The following VAV2 variants were observed in gnomAD, a reference collection of about 807,000 sequenced individuals.
VAV2 encodes the protein vav guanine nucleotide exchange factor 2, also known as guanine nucleotide exchange factor VAV2.
A neutral mutation model predicts 132.5 loss-of-function variants in VAV2; 67 were observed. That is an observed-to-expected ratio of 0.51 (90% CI 0.42 to 0.62). VAV2 has a LOEUF of 0.62. Ranked by LOEUF, VAV2 falls within the 20% of genes least tolerant of loss-of-function variation. The pLI, the probability that VAV2 is intolerant of heterozygous loss-of-function variation, is 0.00. For synonymous variants in VAV2, 492 were observed against 443.5 expected, an observed-to-expected ratio of 1.11 and a Z score of -1.37; for missense variants, 938 against 1,153.6, an observed-to-expected ratio of 0.81 and a Z score of 2.71.
intron 17 of VAV2, 88 bp downstream of exon 17, chr9:133,785,688 G>C: frequency 7.5e-7 from 1 of 1,327,484 alleles, no homozygotes; most frequent in Non-Finnish European, 1.1e-6. Context: ...CCTGGTCTGA[G>C]AGGAACCACA....
chr9:133,940,666 CACGTGCGT>C (rs781715896), intron 1 of VAV2, among the ~76,000 whole-genome samples: 1 of 82,764 alleles, frequency 1.2e-5, no homozygotes, highest in East Asian at 4.1e-4. Context: ...CCTCTCTGTC[CACGTGCGT>C]GTGTGTGTGT....
chr9:133,801,154 G>A (rs879819622), intron 9 of VAV2, among the ~76,000 whole-genome samples: 1 of 152,224 alleles, frequency 6.6e-6, no homozygotes, highest in Non-Finnish European at 1.5e-5. Context: ...CTGGACACAG[G>A]TCCTTCTATC....
chr9:133,916,806 G>C (rs887221824), intron 2 of VAV2, among the ~76,000 whole-genome samples: 1 of 28,538 alleles, frequency 3.5e-5, no homozygotes, highest in African/African-American at 4.0e-5. Context: ...TGTTGGGACT[G>C]TTTAGGTCAA....
chr9:133,767,561 G>A (rs955542766), intron 29 of VAV2, among the ~76,000 whole-genome samples: 1 of 152,192 alleles, frequency 6.6e-6, no homozygotes, highest in Non-Finnish European at 1.5e-5. Context: ...GAGAACCAGT[G>A]GTCCCAGCCC....
At chr9:133,830,418 C>T (rs1836218798) in intron 4 of VAV2, among the ~76,000 whole-genome samples, 1 of 152,148 alleles carries the variant, frequency 6.6e-6, no homozygotes, top group Non-Finnish European at 1.5e-5. Flanking sequence ...GAGGCGGTGA[C>T]CCTCGTATCG....
intron 9 of VAV2, 119 bp from the exon 10 acceptor site, chr9:133,797,928 T>C: frequency 1.2e-6 from 1 of 805,306 alleles, no homozygotes; most frequent in South Asian, 1.8e-5. Context: ...GCCCCTCCCC[T>C]GACAGCTCCC....
At chr9:133,848,677 T>C (rs560712587) in intron 3 of VAV2, among the ~76,000 whole-genome samples, 8 of 152,082 alleles carry the variant, frequency 5.3e-5, no homozygotes, top group East Asian at 1.9e-4. Context: ...CCTGGGAACA[T>C]GCCTCACGTG....
chr9:133,953,833 AAAG>A (rs1483949602), intron 1 of VAV2, among the ~76,000 whole-genome samples: 3 of 152,174 alleles, frequency 2.0e-5, no homozygotes, highest in African/African-American at 7.2e-5. Context: ...CCCTGTCTCC[AAAG>A]AAGGCACCTG....
chr9:133,967,888 A>C (rs1488365975), intron 1 of VAV2, among the ~76,000 whole-genome samples: 5 of 141,560 alleles, frequency 3.5e-5, no homozygotes, highest in Non-Finnish European at 7.5e-5. Context: ...AGCCAAGATC[A>C]CACCACTGCA....
At position 133,777,447 on chromosome 9, in the gene VAV2, G is replaced by A. The variant is rs1833856340; in HGVS notation, c.1907C>T (p.Thr636Ile). 1 of 1,613,696 alleles carries A rather than the reference G, an allele frequency of 6.2e-7. No homozygotes were observed. ...SPWWEGRLVQ[T>I]RKSGYFPSSS... ...GCTGGGGAAATACCCTGACTTCCTG[G>A]TTTGTACCAGACGACCCTGGCAGAG... The change falls in exon 23 of 30, where the codon ACC becomes ATC. Residue 636 changes from threonine to isoleucine, a missense_variant. Transcript: ENST00000371850.
intron 1 of VAV2, among the ~76,000 whole-genome samples, chr9:133,963,655 T>C (rs1286514497): frequency 6.6e-6 from 1 of 152,092 alleles, no homozygotes; most frequent in African/African-American, 2.4e-5. Context: ...AACAAGAATA[T>C]AAAACGCCAC....
chr9:133,992,226 G>T lies in VAV2; in HGVS notation c.53C>A (p.Pro18Gln). The T allele has an allele frequency of 1.9e-6, 3 of 1,590,944 alleles. No homozygotes were observed. The highest frequency in any genetic ancestry group is 1.4e-5 in the African/African-American group (1 of 73,358). The stretch of plus-strand genomic sequence containing the variant: ...GGGCCACACCACCCGGTGGTTGGGC[G>T]GCAGGACCTTGCAATCGATGAGCCA... Reference protein sequence around the residue: ...GRWLIDCKVLPPNHRVVWPSA... With the variant: ...GRWLIDCKVLQPNHRVVWPSA... The change falls in exon 1 of 30, where the codon CCG becomes CAG. Residue 18 changes from proline (P) to glutamine (Q), a missense_variant. Transcript: ENST00000371850. The surrounding 1 kb of genome is among the most constrained non-coding windows in gnomAD (Gnocchi z 5.5).
chr9:133,843,597 C>T (rs192728766), intron 3 of VAV2, among the ~76,000 whole-genome samples: 16 of 152,256 alleles, frequency 1.1e-4, no homozygotes, highest in Non-Finnish European at 2.2e-4. Context: ...CACCCCCTGG[C>T]CTCAGCTCAC....
chr9:133,783,649 CTGCCA>C, intron 18 of VAV2, 58 bp from the exon 19 acceptor site: 1 of 1,542,494 alleles, frequency 6.5e-7, no homozygotes, highest in Admixed American at 1.7e-5. Flanking sequence ...TCATGCCTCT[CTGCCA>C]AGGTCAAGGC....
intron 2 of VAV2, among the ~76,000 whole-genome samples, chr9:133,872,607 G>A (rs1198654728): frequency 6.6e-6 from 1 of 152,156 alleles, no homozygotes; most frequent in Non-Finnish European, 1.5e-5. Context: ...AGCCCCGGGG[G>A]TCAGAGTCGC....
chr9:133,916,459 G>A (rs114869025), intron 2 of VAV2, among the ~76,000 whole-genome samples: 1,955 of 152,320 alleles, frequency 0.013, 39 homozygotes, highest in African/African-American at 0.045. Flanking sequence ...AAGCGTCGGC[G>A]TCACCATCCC....
chr9:133,938,400 T>C (rs367726950), intron 2 of VAV2, among the ~76,000 whole-genome samples: 2 of 152,290 alleles, frequency 1.3e-5, no homozygotes, highest in East Asian at 3.9e-4. Context: ...AGGTGGCCCC[T>C]GCGTCCCTCT....
rs570413442 is a variant in VAV2 at position 133,874,490 on chromosome 9, C to G, written c.322-13058G>C. Among the ~76,000 whole-genome samples the G allele has an allele frequency of 3.9e-5, 6 of 152,316 alleles. No homozygotes were observed. The South Asian group carries it at 1.2e-3, about 32-fold the overall frequency. On this transcript the variant is annotated intron_variant, in intron 2 of 29. Transcript: ENST00000371850. Reference sequence around the variant, plus strand: ...AGTCCCTCTTTAATCAGAGGCAAGGCCGGAGACCATGACACAGATCTGCTG... The same window carrying G: ...AGTCCCTCTTTAATCAGAGGCAAGGGCGGAGACCATGACACAGATCTGCTG...
chr9:133,780,258 A>G (rs892970807), intron 20 of VAV2, among the ~76,000 whole-genome samples: 10 of 152,200 alleles, frequency 6.6e-5, no homozygotes, highest in African/African-American at 2.4e-4. Flanking sequence ...TCTGGGACAC[A>G]CAGTGCCAAA....
Sources: gnomAD v4.1 joint callset for allele counts (sites outside exome capture counted in the v4.1 genomes callset) on GRCh38, gnomAD v4.1.1 for gene constraint, Gnocchi (gnomAD v3.1) non-coding constraint, MANE v1.5 for transcripts, NCBI Gene and HGNC (gene_info 2026-07-23, HGNC 2026-07-21) for gene names.